RALYL: variants seen among roughly 807,000 people sequenced by gnomAD.
RALYL encodes the protein RALY RNA binding protein like, also known as RNA-binding Raly-like protein.
Under a neutral mutation model 35.1 loss-of-function variants are expected in RALYL, and 29 were observed. That is an observed-to-expected ratio of 0.83 (90% confidence interval 0.61 to 1.13). RALYL has a LOEUF of 1.13. Ranked by LOEUF, RALYL falls within the 50% of genes most tolerant of loss-of-function variation. The probability of loss-of-function intolerance (pLI) is 0.00; values close to 1 mark genes in which losing one functional copy is unlikely to be tolerated. For missense variants in RALYL, 359 were observed against 360.4 expected, an observed-to-expected ratio of 1.00 and a Z score of 0.03; for synonymous variants, 120 against 127.6, an observed-to-expected ratio of 0.94 and a Z score of 0.40.
intron 1 of RALYL, among the ~76,000 whole-genome samples, chr8:84,458,201 TTGCATG>T (rs896808909): frequency 5.9e-5 from 9 of 151,842 alleles, no homozygotes; most frequent in South Asian, 2.1e-4. Context: ...TAATAGTTCC[TTGCATG>T]TGACAATTGA....
Position 84,478,215 on chromosome 8 carries a change from T to C in RALYL, c.-23-51084T>C, listed in dbSNP as rs554915256. Among the ~76,000 whole-genome samples the C allele has an allele frequency of 2.4e-4, 37 of 152,250 alleles. 2 individuals carry two copies. The South Asian group carries it at 6.0e-3, about 25-fold the overall frequency. Reference sequence around the variant, plus strand: ...TACATGCTTATTTGTAATGTTTATGTCTTAATGAAATCCACCTATATATCT... The same window carrying C: ...TACATGCTTATTTGTAATGTTTATGCCTTAATGAAATCCACCTATATATCT... On this transcript the variant is annotated intron_variant, in intron 1 of 8. Coordinates refer to ENST00000521268, the MANE Select transcript of RALYL (RefSeq NM_173848.7).
intron 2 of RALYL, among the ~76,000 whole-genome samples, chr8:84,693,838 G>A (rs541042313): frequency 7.9e-5 from 12 of 151,806 alleles, no homozygotes; most frequent in African/African-American, 1.4e-4. Context: ...GTGATTCACC[G>A]TATTAACATA....
chr8:84,655,303 T>G (rs1829749157), intron 2 of RALYL, among the ~76,000 whole-genome samples: 1 of 151,916 alleles, frequency 6.6e-6, no homozygotes, highest in Admixed American at 6.6e-5. Flanking sequence ...GGTTTTTTTT[T>G]TGTTTTTGTC....
At chr8:84,742,340 T>TA (rs1484594149) in intron 2 of RALYL, among the ~76,000 whole-genome samples, 1 of 152,022 alleles carries the variant, frequency 6.6e-6, no homozygotes, top group Non-Finnish European at 1.5e-5. Context: ...AATTTGTTTT[T>TA]ACCTATAAAA....
Position 84,887,621 on chromosome 8 carries a change from T to C in RALYL, c.703T>C (p.Leu235=), listed in dbSNP as rs1843122495. 6.2e-7 allele frequency: 1 copy of C among 1,605,206 alleles called. No homozygotes were observed. Among genetic ancestry groups the C allele is most frequent in the Non-Finnish European group, 8.5e-7 (1 of 1,175,548 alleles). Residue 235 remains leucine (L), a synonymous_variant, in exon 8 of 9, where the codon TTG becomes CTG. Coordinates refer to ENST00000521268, the MANE Select transcript of RALYL (RefSeq NM_173848.7). Reference sequence around the variant, plus strand: ...CCCCCCAGAAGCTCAGAAGAAGCAATTGGAAGAGAGTCTAGTGCTGATCCA... The same window carrying C: ...CCCCCCAGAAGCTCAGAAGAAGCAACTGGAAGAGAGTCTAGTGCTGATCCA... The part of the protein sequence containing the change: ...KAEAEAQKKQ[L]EESLVLIQEE...
chr8:84,375,246 A>G (rs1856682244), intron 1 of RALYL, among the ~76,000 whole-genome samples: 1 of 151,762 alleles, frequency 6.6e-6, no homozygotes, highest in South Asian at 2.1e-4. Flanking sequence ...ATTTTCTATT[A>G]TTTGCCATTC....
chr8:84,333,946 G>T (rs542295380), intron 1 of RALYL, among the ~76,000 whole-genome samples: 1 of 152,164 alleles, frequency 6.6e-6, no homozygotes, highest in African/African-American at 2.4e-5. Flanking sequence ...AGGGCAGTGG[G>T]GCGATCTCTG....
intron 2 of RALYL, among the ~76,000 whole-genome samples, chr8:84,713,453 A>G (rs984963095): frequency 7.3e-4 from 111 of 152,146 alleles, no homozygotes; most frequent in African/African-American, 2.6e-3. Context: ...ATCAACATAC[A>G]TATGAAAAAA....
rs146015440 is a variant in RALYL at position 84,645,800 on chromosome 8, T to C, written c.256+116223T>C. 1.6e-3 allele frequency among the ~76,000 whole-genome samples: 251 copies of C among 152,246 alleles called. 2 individuals are homozygous for C. The highest frequency in any genetic ancestry group is 5.2e-3 in the African/African-American group (218 of 41,570). On this transcript the variant is annotated intron_variant, in intron 2 of 8. Transcript: ENST00000521268. ...CTTAGCTGATGTCAGAATTTCTAAA[T>C]TTCTTGAAACTTCTGCTTCATGTTG...
intron 2 of RALYL, among the ~76,000 whole-genome samples, chr8:84,752,580 G>A (rs553416288): frequency 5.3e-5 from 8 of 152,060 alleles, no homozygotes; most frequent in Non-Finnish European, 1.2e-4. Flanking sequence ...CTCCCACTAG[G>A]GAGGAGGTAA....
At chr8:84,330,042 TAAA>T (rs72218912) in intron 1 of RALYL, among the ~76,000 whole-genome samples, 57,946 of 151,620 alleles carry the variant, frequency 0.38, 11,656 homozygotes, top group East Asian at 0.51. Flanking sequence ...ATATATTAAA[TAAA>T]AATGTGTATC....
chr8:84,841,062 A>T (rs1471906838), intron 4 of RALYL, among the ~76,000 whole-genome samples: 1 of 152,238 alleles, frequency 6.6e-6, no homozygotes, highest in Admixed American at 6.5e-5. Context: ...GCATCAACTA[A>T]TGAGCAAAAT....
At chr8:84,793,077 T>C (rs1341737983) in intron 3 of RALYL, among the ~76,000 whole-genome samples, 1 of 152,062 alleles carries the variant, frequency 6.6e-6, no homozygotes, top group Non-Finnish European at 1.5e-5. Context: ...GGGTGGTGAG[T>C]AAAGATATCA....
intron 8 of RALYL, among the ~76,000 whole-genome samples, chr8:84,906,322 G>T (rs187253424): frequency 2.2e-4 from 33 of 152,060 alleles, no homozygotes; most frequent in African/African-American, 7.5e-4. Context: ...AGTATGATGA[G>T]CTGTAAAAAC....
chr8:84,480,866 T>A (rs192264464), intron 1 of RALYL, among the ~76,000 whole-genome samples: 2 of 152,146 alleles, frequency 1.3e-5, no homozygotes, highest in African/African-American at 4.8e-5. Flanking sequence ...CTGCAACTGA[T>A]GGATGACCTT....
At chr8:84,522,741 T>C (rs1328759562) in intron 1 of RALYL, among the ~76,000 whole-genome samples, 3 of 152,200 alleles carry the variant, frequency 2.0e-5, no homozygotes, top group East Asian at 3.8e-4. Flanking sequence ...CTTCAGCAGA[T>C]TATAACTTTT....
chr8:84,426,200 C>G (rs1054326192), intron 1 of RALYL, among the ~76,000 whole-genome samples: 2 of 152,122 alleles, frequency 1.3e-5, no homozygotes, highest in Admixed American at 6.6e-5. Flanking sequence ...TATCCATCAT[C>G]TCACATAGTT....
intron 2 of RALYL, among the ~76,000 whole-genome samples, chr8:84,738,751 G>A (rs1006712495): frequency 6.6e-6 from 1 of 151,956 alleles, no homozygotes; most frequent in Non-Finnish European, 1.5e-5. Flanking sequence ...TATGTATAAG[G>A]TCTTGGAAAT....
intron 8 of RALYL, among the ~76,000 whole-genome samples, chr8:84,911,296 C>A (rs1847471741): frequency 6.6e-6 from 1 of 152,082 alleles, no homozygotes; most frequent in Non-Finnish European, 1.5e-5. Context: ...TATTCCTATG[C>A]AAGATATGGT....
Sources: gnomAD v4.1 joint callset for allele counts (sites outside exome capture counted in the v4.1 genomes callset) on GRCh38, gnomAD v4.1.1 for gene constraint, MANE v1.5 for transcripts, NCBI Gene and HGNC (gene_info 2026-07-23, HGNC 2026-07-21) for gene names.